The following ADAMTSL3 variants were observed in gnomAD, a reference collection of about 807,000 sequenced individuals.
ADAMTSL3 encodes ADAMTS like 3.
ADAMTSL3 carries 128 observed loss-of-function variants against 201.7 expected under a neutral mutation model. That is an observed-to-expected ratio of 0.63 (90% CI 0.55 to 0.73). ADAMTSL3 has a LOEUF of 0.73. Ranked by LOEUF, ADAMTSL3 falls within the 30% of genes least tolerant of loss-of-function variation. ADAMTSL3 has a pLI of 0.00. For synonymous variants in ADAMTSL3, 738 were observed against 748.4 expected (o/e 0.99, Z 0.23); for missense variants, 1,990 against 2,119.6 (o/e 0.94, Z 1.20).
At chr15:83,806,087 A>T (rs1299556388) in intron 5 of ADAMTSL3, among the ~76,000 whole-genome samples, 1 of 91,720 alleles carries the variant, frequency 1.1e-5, no homozygotes, top group African/African-American at 4.7e-5. Context: ...AACTGGAGCC[A>T]CTGCTAGAGT....
chr15:83,995,718 C>G (rs1462141441), intron 23 of ADAMTSL3, among the ~76,000 whole-genome samples: 1 of 152,056 alleles, frequency 6.6e-6, no homozygotes, highest in Non-Finnish European at 1.5e-5. Context: ...TTTTGGATCT[C>G]TACATTCAGA....
At position 83,741,430 on chromosome 15, in the gene ADAMTSL3, C is replaced by T. The variant is rs563840978; in HGVS notation, c.190-32093C>T. ...CATGAAGGCACGTGATGAAATTCAA[C>T]ATAGAACACTACTAAATTTTTTTAA... On this transcript the variant is annotated intron_variant, in intron 3 of 29. Transcript: ENST00000286744. Among the ~76,000 whole-genome samples, 166 of 152,074 alleles carry T rather than the reference C, an allele frequency of 1.1e-3. 2 individuals carry two copies. Among genetic ancestry groups the T allele is most frequent in the Admixed American group, 1.4e-3 (22 of 15,266 alleles).
At chr15:83,852,936 A>T (rs1003574826) in intron 7 of ADAMTSL3, among the ~76,000 whole-genome samples, 7 of 152,056 alleles carry the variant, frequency 4.6e-5, no homozygotes, top group African/African-American at 1.7e-4. Context: ...GGCTCACTGC[A>T]ACCTCTGCCT....
chr15:84,026,419 A>G (rs1263470884), intron 27 of ADAMTSL3, among the ~76,000 whole-genome samples: 1 of 152,256 alleles, frequency 6.6e-6, no homozygotes. Flanking sequence ...TCAAAATTTT[A>G]TCTGGTTTCT....
intron 23 of ADAMTSL3, among the ~76,000 whole-genome samples, chr15:84,012,418 C>T (rs1173174232): frequency 1.3e-5 from 2 of 152,272 alleles, no homozygotes; most frequent in Non-Finnish European, 2.9e-5. Flanking sequence ...CTTTTAGAGG[C>T]CACCTGCACT....
intron 3 of ADAMTSL3, among the ~76,000 whole-genome samples, chr15:83,727,150 T>C (rs1446256815): frequency 1.5e-5 from 1 of 65,108 alleles, no homozygotes; most frequent in Non-Finnish European, 3.4e-5. Flanking sequence ...AATTTATCCA[T>C]TTTTTTTTCT....
At chr15:83,750,631 A>G (rs1254785764) in intron 3 of ADAMTSL3, among the ~76,000 whole-genome samples, 1 of 152,038 alleles carries the variant, frequency 6.6e-6, no homozygotes, top group African/African-American at 2.4e-5. Context: ...GGCTCACTGC[A>G]ACCTCCGCCT....
intron 5 of ADAMTSL3, 45 bp from the exon 6 acceptor site, chr15:83,819,766 C>G: frequency 6.7e-7 from 1 of 1,488,308 alleles, no homozygotes; most frequent in Non-Finnish European, 9.4e-7. Flanking sequence ...CTCTTGGCCT[C>G]TCTCACTGGG....
intron 21 of ADAMTSL3, among the ~76,000 whole-genome samples, chr15:83,985,605 C>G (rs1182756244): frequency 6.6e-6 from 1 of 151,986 alleles, no homozygotes; most frequent in Non-Finnish European, 1.5e-5. Context: ...AGATTAATAC[C>G]TTTTACTACT....
chr15:83,906,378 G>T (rs2065832794), intron 15 of ADAMTSL3, among the ~76,000 whole-genome samples: 1 of 151,930 alleles, frequency 6.6e-6, no homozygotes, highest in African/African-American at 2.4e-5. Context: ...AGGGGCATGT[G>T]GTCTCTCCAT....
intron 21 of ADAMTSL3, among the ~76,000 whole-genome samples, chr15:83,985,322 T>G (rs2067454564): frequency 6.6e-6 from 1 of 152,138 alleles, no homozygotes; most frequent in Non-Finnish European, 1.5e-5. Flanking sequence ...CATCAAACCT[T>G]TTTCATCATT....
chr15:83,722,568 A>G (rs370488833), intron 3 of ADAMTSL3, among the ~76,000 whole-genome samples: 3 of 152,332 alleles, frequency 2.0e-5, no homozygotes, highest in East Asian at 3.9e-4. Context: ...TCAAATAAAC[A>G]TTAAGTGAAG....
chr15:83,910,440 A>G (rs1444864499), intron 15 of ADAMTSL3, among the ~76,000 whole-genome samples: 1 of 147,062 alleles, frequency 6.8e-6, no homozygotes, highest in East Asian at 2.0e-4. Flanking sequence ...GATTCTGTGT[A>G]ATTATTTTTT....
intron 4 of ADAMTSL3, among the ~76,000 whole-genome samples, chr15:83,795,459 A>G (rs1267595285): frequency 6.6e-6 from 1 of 152,154 alleles, no homozygotes. Flanking sequence ...TAATTCCTTC[A>G]TAATCACAGA....
chr15:83,968,457 A>T (rs2067130251), intron 19 of ADAMTSL3, among the ~76,000 whole-genome samples: 1 of 152,252 alleles, frequency 6.6e-6, no homozygotes, highest in African/African-American at 2.4e-5. Context: ...CAAAACCACA[A>T]TGAGATACCA....
intron 17 of ADAMTSL3, among the ~76,000 whole-genome samples, chr15:83,938,181 C>T (rs993657107): frequency 2.0e-5 from 3 of 152,038 alleles, no homozygotes; most frequent in African/African-American, 7.3e-5. Flanking sequence ...GTGCTTTAGG[C>T]CCTTATACTA....
chr15:83,829,682 C>G (rs1305494391), intron 6 of ADAMTSL3, among the ~76,000 whole-genome samples: 1 of 152,194 alleles, frequency 6.6e-6, no homozygotes, highest in Non-Finnish European at 1.5e-5. Flanking sequence ...AAATTTCCCT[C>G]TACACACTGC....
chr15:83,821,778 G>C (rs1268366797), intron 6 of ADAMTSL3, among the ~76,000 whole-genome samples: 1 of 151,334 alleles, frequency 6.6e-6, no homozygotes, highest in Non-Finnish European at 1.5e-5. Context: ...AGACGGGGTG[G>C]TGGCCGGGCA....
intron 13 of ADAMTSL3, among the ~76,000 whole-genome samples, chr15:83,894,628 C>T (rs1434438369): frequency 6.6e-6 from 1 of 152,150 alleles, no homozygotes; most frequent in East Asian, 1.9e-4. Context: ...ACTCTCCCCA[C>T]AGAATTTTAT....
Sources: gnomAD v4.1 joint callset for allele counts (sites outside exome capture counted in the v4.1 genomes callset) on GRCh38, gnomAD v4.1.1 for gene constraint, MANE v1.5 for transcripts, NCBI Gene and HGNC (gene_info 2026-07-23, HGNC 2026-07-21) for gene names.